Variants in TBC1D22A observed in about 807,000 individuals in gnomAD.
TBC1D22A encodes putative GTPase activator.
In TBC1D22A, 38 loss-of-function variants were observed where a neutral mutation model predicts 60.2. The ratio of observed to expected loss-of-function variants is 0.63; its 90% confidence interval spans 0.49 to 0.83. The LOEUF (loss-of-function observed/expected upper bound fraction) is 0.83, where lower values mean the gene tolerates loss of function less well. TBC1D22A is among the 40% of genes least tolerant of loss of function. The probability of loss-of-function intolerance (pLI) is 0.00; values close to 1 mark genes in which losing one functional copy is unlikely to be tolerated. For synonymous variants in TBC1D22A, 302 were observed against 281.7 expected (o/e 1.07, Z -0.72); for missense variants, 628 against 701.0 (o/e 0.90, Z 1.18).
chr22:46,777,690 G>A lies in TBC1D22A; in HGVS notation c.63-14830G>A. On this transcript the variant is annotated intron_variant, in intron 1 of 12. Transcript: ENST00000337137. The surrounding 1 kb of genome is among the most constrained non-coding windows in gnomAD (Gnocchi z 4.5). ...GAGCTCAGTGTGATGAGTCCTGAGG[G>A]GAAGCTGGGCAGGGCCAGGATTGAG... is the stretch of plus-strand genomic sequence containing the variant. Among the ~76,000 whole-genome samples, 1 of 152,156 alleles carries A rather than the reference G, an allele frequency of 6.6e-6. No homozygotes were observed. The highest frequency in any genetic ancestry group is 1.5e-5 in the Non-Finnish European group (1 of 68,028).
intron 3 of TBC1D22A, among the ~76,000 whole-genome samples, chr22:46,795,550 A>G (rs538877013): frequency 1.3e-5 from 2 of 152,362 alleles, no homozygotes; most frequent in Admixed American, 6.5e-5. Context: ...AAGGGGGCCC[A>G]TGACCTCATT....
chr22:46,793,863 G>T, intron 3 of TBC1D22A, 22 bp downstream of exon 3: 1 of 1,520,806 alleles, frequency 6.6e-7, no homozygotes, highest in Non-Finnish European at 8.8e-7. Context: ...GGACTGAAGA[G>T]ATGGTCTGGG....
chr22:46,885,160 C>T (rs1048552829), intron 5 of TBC1D22A, among the ~76,000 whole-genome samples: 7 of 152,106 alleles, frequency 4.6e-5, no homozygotes, highest in Non-Finnish European at 8.8e-5. Context: ...GGCTGAGCAG[C>T]GGGTGGGAGA....
chr22:46,804,954 C>T (rs572744828), intron 4 of TBC1D22A, among the ~76,000 whole-genome samples: 7 of 152,180 alleles, frequency 4.6e-5, no homozygotes, highest in Non-Finnish European at 8.8e-5. Flanking sequence ...AGCAATTGTG[C>T]GACTGTGGTA....
intron 11 of TBC1D22A, among the ~76,000 whole-genome samples, chr22:47,044,252 C>G (rs1021645605): frequency 1.3e-5 from 2 of 152,216 alleles, no homozygotes; most frequent in Admixed American, 6.5e-5. Context: ...GAGATTTATG[C>G]TGGATGTAAA....
intron 5 of TBC1D22A, among the ~76,000 whole-genome samples, chr22:46,889,730 A>C (rs1233094583): frequency 6.6e-6 from 1 of 152,174 alleles, no homozygotes; most frequent in Non-Finnish European, 1.5e-5. Context: ...GTGAAGGAAA[A>C]GCTTGCACGA....
chr22:46,994,261 T>C (rs2075045474), intron 9 of TBC1D22A, among the ~76,000 whole-genome samples: 1 of 152,218 alleles, frequency 6.6e-6, no homozygotes, highest in South Asian at 2.1e-4. Flanking sequence ...AATCCTGTCT[T>C]AGTGGGAGAG....
rs555219887 is a variant in TBC1D22A, at chr22:46,797,318, C to T, written c.461-126C>T. 15 of 1,005,704 alleles carry T rather than the reference C, an allele frequency of 1.5e-5. No individual in the cohort carries two copies. In the African/African-American group the frequency reaches 2.5e-4, roughly 16 times the overall value. The allele number at this position is 1,005,704 out of a possible 1,614,324, so 62.3% of individuals were successfully genotyped here. A position where few individuals can be genotyped will look rare whatever the true frequency, so the allele number is the denominator to read the frequency against. ...ATGTTATTGCTCAAGAAACCAAGGT[C>T]CCCACTGCTGAGTGATGGGAAGAAG... On this transcript the variant is annotated intron_variant, in intron 3 of 12. Transcript: ENST00000337137.
chr22:46,891,373 T>A lies in TBC1D22A; in HGVS notation c.816T>A (p.Val272=). The change falls in exon 6 of 13, where the codon GTT becomes GTA. Residue 272 remains valine (V), a synonymous_variant. Coordinates refer to ENST00000337137, the MANE Select transcript of TBC1D22A (RefSeq NM_014346.5). The stretch of plus-strand genomic sequence containing the variant: ...ATTACGATTCTAGGAACGACGAAGT[T>A]CACCAGGACACATACAGGCAGGTGG... The part of the protein sequence containing the change: ...EHYYDSRNDE[V]HQDTYRQIHI... 1.2e-6 allele frequency: 2 copies of A among 1,611,998 alleles called. No individual in the cohort carries two copies. The highest frequency in any genetic ancestry group is 1.7e-6 in the Non-Finnish European group (2 of 1,179,398).
chr22:46,962,007 T>C (rs1211570717), intron 8 of TBC1D22A, among the ~76,000 whole-genome samples: 1 of 152,250 alleles, frequency 6.6e-6, no homozygotes, highest in African/African-American at 2.4e-5. Context: ...ATTTCGTCAG[T>C]GGCAGGTGGT....
At chr22:47,158,969 CCACACACAA>C (rs1476133794) in intron 12 of TBC1D22A, among the ~76,000 whole-genome samples, 5 of 151,508 alleles carry the variant, frequency 3.3e-5, no homozygotes, top group African/African-American at 1.2e-4. Context: ...TACACAGACA[CCACACACAA>C]CACACACCAT....
intron 11 of TBC1D22A, among the ~76,000 whole-genome samples, chr22:47,082,855 A>G (rs1232032929): frequency 6.6e-6 from 1 of 152,248 alleles, no homozygotes; most frequent in Non-Finnish European, 1.5e-5. Flanking sequence ...ATTCCTAGGT[A>G]TGTGCATGAG....
chr22:47,045,031 C>A (rs887130299), intron 11 of TBC1D22A, among the ~76,000 whole-genome samples: 18 of 152,246 alleles, frequency 1.2e-4, no homozygotes, highest in Admixed American at 8.5e-4. Flanking sequence ...GCGCTCGGGA[C>A]CCCTGTCAGC....
At chr22:46,984,411 A>G (rs1444195821) in intron 9 of TBC1D22A, among the ~76,000 whole-genome samples, 2 of 138,280 alleles carry the variant, frequency 1.4e-5, no homozygotes, top group African/African-American at 5.3e-5. Context: ...AAAAAAGAGA[A>G]GTTCCAGGCT....
At chr22:47,058,767 C>T (rs1271992228) in intron 11 of TBC1D22A, among the ~76,000 whole-genome samples, 2 of 152,088 alleles carry the variant, frequency 1.3e-5, no homozygotes, top group Admixed American at 1.3e-4. Context: ...TAGGTCCCAG[C>T]GCTCAGAACA....
chr22:47,166,660 C>T (rs184431527), intron 12 of TBC1D22A, among the ~76,000 whole-genome samples: 33 of 152,372 alleles, frequency 2.2e-4, no homozygotes, highest in Admixed American at 1.6e-3. Context: ...CTGGCACACA[C>T]ACTCATACAT....
At chr22:47,114,881 C>T (rs2065975118) in intron 12 of TBC1D22A, among the ~76,000 whole-genome samples, 1 of 152,152 alleles carries the variant, frequency 6.6e-6, no homozygotes, top group Non-Finnish European at 1.5e-5. Context: ...CCTTAATTCC[C>T]GAAAACTTGG....
intron 11 of TBC1D22A, among the ~76,000 whole-genome samples, chr22:47,046,895 G>A (rs131908): frequency 0.21 from 32,703 of 152,190 alleles, 3,891 homozygotes; most frequent in East Asian, 0.28. Flanking sequence ...CTGGGAGCTT[G>A]TTCCCCAGGA....
intron 4 of TBC1D22A, among the ~76,000 whole-genome samples, chr22:46,843,817 C>T (rs935438632): frequency 2.0e-5 from 3 of 151,994 alleles, no homozygotes; most frequent in South Asian, 2.1e-4. Flanking sequence ...TCATTCACAG[C>T]GGATTGACCT....
Sources: allele counts gnomAD v4.1 joint callset (sites outside exome capture counted in the v4.1 genomes callset), GRCh38; gene constraint gnomAD v4.1.1; non-coding constraint Gnocchi (gnomAD v3.1); transcripts MANE v1.5; gene names NCBI Gene and HGNC (gene_info 2026-07-23, HGNC 2026-07-21).